The following DIO2 variants were observed in gnomAD, a reference collection of about 807,000 sequenced individuals.
DIO2 encodes the protein type II iodothyronine deiodinase.
DIO2 carries 19 observed loss-of-function variants against 21.4 expected under a neutral mutation model. That is an observed-to-expected ratio of 0.89 (90% CI 0.62 to 1.30). The LOEUF is 1.30. Ranked by LOEUF, DIO2 falls within the 50% of genes most tolerant of loss-of-function variation. The pLI is 0.00. For synonymous variants in DIO2, 122 were observed against 132.9 expected, an observed-to-expected ratio of 0.92 and a Z score of 0.57; for missense variants, 302 against 338.1, an observed-to-expected ratio of 0.89 and a Z score of 0.84.
At chr14:80,214,267 T>C (rs2140012861), upstream of DIO2, among the ~76,000 whole-genome samples, 1 of 152,344 alleles carries the variant, frequency 6.6e-6, no homozygotes, top group Admixed American at 6.5e-5. Flanking sequence ...TCCCCTGCAG[T>C]GGAGACTTCA....
chr14:80,222,992 G>T (rs1038028150), intron 2 of DIO2, among the ~76,000 whole-genome samples: 1 of 151,660 alleles, frequency 6.6e-6, no homozygotes, highest in Non-Finnish European at 1.5e-5. Flanking sequence ...CTCCTGAGTA[G>T]CTAGGATTAC....
chr14:80,218,926 C>T (rs1261284503), intron 2 of DIO2, among the ~76,000 whole-genome samples: 3 of 151,902 alleles, frequency 2.0e-5, no homozygotes, highest in African/African-American at 4.8e-5. Flanking sequence ...TGCAGTGAGC[C>T]GAGATTGGGC....
At chr14:80,213,029 C>A (rs1272831170), upstream of DIO2, among the ~76,000 whole-genome samples, 1 of 152,014 alleles carries the variant, frequency 6.6e-6, no homozygotes, top group African/African-American at 2.4e-5. Context: ...TTAGCATAAC[C>A]CCTAAGAGAC....
intron 1 of DIO2, 92 bp from the exon 2 acceptor site, chr14:80,203,380 C>T: frequency 7.2e-7 from 1 of 1,394,964 alleles, no homozygotes; most frequent in Non-Finnish European, 9.5e-7. Context: ...TAAATAGTTA[C>T]AATTGGCTCT....
chr14:80,203,208 A>G lies in DIO2; in HGVS notation c.303T>C (p.Gly101=). Residue 101 remains glycine, a synonymous_variant, in exon 2 of 2, where the codon GGT becomes GGC. Coordinates refer to ENST00000438257, the MANE Select transcript of DIO2 (RefSeq NM_013989.5). The part of the protein sequence containing the change: ...STEGGDNSGN[G]TQEKIAEGAT... ...CTCCCTCAGCTATCTTCTCCTGGGT[A>G]CCATTGCCACTGTTGTCACCTCCTT... The G allele has an allele frequency of 6.2e-7, 1 of 1,609,016 alleles. No homozygotes were observed. The highest frequency in any genetic ancestry group is 8.5e-7 in the Non-Finnish European group (1 of 1,177,732).
At chr14:80,221,399 G>A (rs975478967) in intron 2 of DIO2, among the ~76,000 whole-genome samples, 2 of 152,156 alleles carry the variant, frequency 1.3e-5, no homozygotes, top group African/African-American at 4.8e-5. Context: ...ATGCTACAGT[G>A]ATAGGTGTTT....
In DIO2 at chr14:80,202,157, C is replaced by T; in HGVS notation, c.*532G>A. On this transcript the variant is annotated 3_prime_UTR_variant, in exon 2 of 2. Coordinates refer to ENST00000438257, the MANE Select transcript of DIO2 (RefSeq NM_013989.5). ...ACTGAGAGCACTACATGGCTAGAAGCTGGAACATCAGAAATGACTCTAACA... is the reference window on the plus strand; with the variant it reads ...ACTGAGAGCACTACATGGCTAGAAGTTGGAACATCAGAAATGACTCTAACA... 1 of 359,254 alleles carries T rather than the reference C, an allele frequency of 2.8e-6. No homozygotes were observed. Among genetic ancestry groups the T allele is most frequent in the Admixed American group, 3.9e-5 (1 of 25,970 alleles). The allele number at this position is 359,254 out of a possible 1,614,324, so 22.3% of individuals were successfully genotyped here.
At chr14:80,224,485 TAGAG>T (rs1252488740) in intron 2 of DIO2, among the ~76,000 whole-genome samples, 1 of 105,562 alleles carries the variant, frequency 9.5e-6, no homozygotes, top group Non-Finnish European at 2.1e-5. Flanking sequence ...AAAATGGAGG[TAGAG>T]AGATACTACA....
chr14:80,207,124 CCAA>C (rs1472227051), intron 1 of DIO2, among the ~76,000 whole-genome samples: 1 of 152,060 alleles, frequency 6.6e-6, no homozygotes, highest in Non-Finnish European at 1.5e-5. Flanking sequence ...CAACACAACA[CCAA>C]CAAAGGAGGT....
intron 1 of DIO2, 128 bp from the exon 2 acceptor site, chr14:80,203,416 G>A: frequency 1.8e-6 from 2 of 1,134,408 alleles, no homozygotes; most frequent in South Asian, 1.8e-5. Context: ...TTCCTTCAGA[G>A]CATTTGGTAA....
At position 80,200,943 on chromosome 14, in the gene DIO2, T is replaced by TATTTTTTATTC. The variant is rs1319072091; in HGVS notation, c.*1735_*1745dup. The TATTTTTTATTC allele has an allele frequency of 6.6e-6, 1 of 152,138 alleles. No homozygotes were observed. The highest frequency in any genetic ancestry group is 6.6e-5 in the Admixed American group (1 of 15,254). The allele number at this position is 152,138 out of a possible 1,614,324, so 9.4% of individuals were successfully genotyped here. On this transcript the variant is annotated 3_prime_UTR_variant, in exon 2 of 2. Transcript: ENST00000438257. Reference sequence around the variant, plus strand: ...TTAGTTTTTTTCTATCCATTTTATTTATTTTTTATTCAGTTATTAATGGAA... The same window carrying TATTTTTTATTC: ...TTAGTTTTTTTCTATCCATTTTATTTATTTTTTATTCATTTTTTATTCAGTTATTAATGGAA...
rs1251470540 is a variant in DIO2 at position 80,198,358 on chromosome 14, T to C, written c.*4331A>G. 2.6e-5 allele frequency: 4 copies of C among 152,658 alleles called. No homozygotes were observed. Among genetic ancestry groups the C allele is most frequent in the African/African-American group, 7.2e-5 (3 of 41,440 alleles). 9.5% of individuals were successfully genotyped at this position (152,658 alleles called of 1,614,324 possible). A position where few individuals can be genotyped will look rare whatever the true frequency, so the allele number is the denominator to read the frequency against. The stretch of plus-strand genomic sequence containing the variant: ...GTTCAGACTCACCTTGGAACAGAGC[T>C]GGGTCTGTTAAGTCTGAGACCTTGC... On this transcript the variant is annotated 3_prime_UTR_variant, in exon 2 of 2. Transcript: ENST00000438257.
chr14:80,221,700 C>A lies in DIO2; in HGVS notation c.-277-4963G>T, dbSNP rs117708983. Reference sequence around the variant, plus strand: ...ATTCATGGAAGTAATCAATACCAAACTAATGTGTTTCTTAATGAGAAGTTT... The same window carrying A: ...ATTCATGGAAGTAATCAATACCAAAATAATGTGTTTCTTAATGAGAAGTTT... On this transcript the variant is annotated intron_variant, in intron 2 of 4. Coordinates refer to the DIO2 transcript ENST00000553594. 6.2e-4 allele frequency among the ~76,000 whole-genome samples: 95 copies of A among 152,240 alleles called. 2 individuals are homozygous for A. The East Asian group carries it at 0.017, about 28-fold the overall frequency.
At chr14:80,223,531 A>G (rs1232116881) in intron 2 of DIO2, among the ~76,000 whole-genome samples, 1 of 152,220 alleles carries the variant, frequency 6.6e-6, no homozygotes, top group Non-Finnish European at 1.5e-5. Context: ...TAGAAAGGCA[A>G]TCTTAACCAG....
In DIO2 at chr14:80,224,226, G is replaced by A. The variant is rs571731761; in HGVS notation, c.-277-7489C>T. ...CAAATTGCCAAAGGTCACAATCTTT[G>A]AATTACAGAATTCTTATGCTGGAAG... On this transcript the variant is annotated intron_variant, in intron 2 of 4. Coordinates refer to the DIO2 transcript ENST00000553594. Among the ~76,000 whole-genome samples the A allele has an allele frequency of 4.1e-4, 62 of 152,210 alleles. No individual in the cohort carries two copies. The South Asian group carries it at 8.1e-3, about 20-fold the overall frequency.
Position 80,202,246 on chromosome 14 carries a change from T to G in DIO2, c.*443A>C, listed in dbSNP as rs555018260. The G allele has an allele frequency of 3.1e-5, 16 of 511,680 alleles. No homozygotes were observed. The East Asian group carries it at 8.2e-4, about 26-fold the overall frequency. The allele number at this position is 511,680 out of a possible 1,614,324, so 31.7% of individuals were successfully genotyped here. The stretch of plus-strand genomic sequence containing the variant: ...CTGGGTTCAAGGACTTGTTGTAATA[T>G]TTGGGAATTTTCCAACTGGGCTCCA... On this transcript the variant is annotated 3_prime_UTR_variant, in exon 2 of 2. Coordinates refer to ENST00000438257, the MANE Select transcript of DIO2 (RefSeq NM_013989.5).
At chr14:80,220,281 C>T (rs1888440833) in intron 2 of DIO2, among the ~76,000 whole-genome samples, 1 of 152,096 alleles carries the variant, frequency 6.6e-6, no homozygotes, top group African/African-American at 2.4e-5. Context: ...GGAACAGGGA[C>T]CTGGGTACAT....
chr14:80,230,315 C>T (rs539731427), intron 2 of DIO2, among the ~76,000 whole-genome samples: 1 of 152,284 alleles, frequency 6.6e-6, no homozygotes, highest in South Asian at 2.1e-4. Flanking sequence ...CCTGGTGAGG[C>T]TGTGCATGCA....
intron 2 of DIO2, among the ~76,000 whole-genome samples, chr14:80,217,169 T>C (rs1888378279): frequency 6.6e-6 from 1 of 152,208 alleles, no homozygotes; most frequent in Non-Finnish European, 1.5e-5. Flanking sequence ...AACTGTAGCA[T>C]GAAAAATTTC....
Sources: allele counts gnomAD v4.1 joint callset (sites outside exome capture counted in the v4.1 genomes callset), GRCh38; gene constraint gnomAD v4.1.1; transcripts MANE v1.5; gene names NCBI Gene and HGNC (gene_info 2026-07-23, HGNC 2026-07-21).